The following HPSE2 variants were observed in gnomAD, a reference collection of about 807,000 sequenced individuals.
The protein encoded by HPSE2 is inactive heparanase-2.
A neutral mutation model predicts 60.5 loss-of-function variants in HPSE2; 38 were observed. The ratio of observed to expected loss-of-function variants is 0.63; its 90% confidence interval spans 0.48 to 0.82. The LOEUF (loss-of-function observed/expected upper bound fraction) is 0.82, where lower values mean the gene tolerates loss of function less well. Among genes scored for constraint, HPSE2 ranks in the 40% least tolerant of loss-of-function variants. The pLI is 0.00. For missense variants in HPSE2, 713 were observed against 740.4 expected (o/e 0.96, Z 0.43); for synonymous variants, 295 against 293.2 (o/e 1.01, Z -0.06).
chr10:98,566,638 A>G (rs1480789615), intron 9 of HPSE2, among the ~76,000 whole-genome samples: 1 of 152,238 alleles, frequency 6.6e-6, no homozygotes, highest in Non-Finnish European at 1.5e-5. Flanking sequence ...GCAGCACAAC[A>G]TCAGGCCATC....
intron 3 of HPSE2, among the ~76,000 whole-genome samples, chr10:99,105,086 G>A (rs1004093215): frequency 4.7e-5 from 7 of 150,508 alleles, no homozygotes; most frequent in Admixed American, 1.3e-4. Flanking sequence ...AGAAAAGCTA[G>A]GAGTCAAAAC....
intron 3 of HPSE2, among the ~76,000 whole-genome samples, chr10:98,947,468 T>C (rs988716378): frequency 2.6e-5 from 4 of 152,086 alleles, no homozygotes; most frequent in African/African-American, 9.7e-5. Context: ...AAAGTCAAGA[T>C]AACAAGAGAA....
intron 5 of HPSE2, among the ~76,000 whole-genome samples, chr10:98,714,576 G>T (rs1204129905): frequency 6.6e-6 from 1 of 151,662 alleles, no homozygotes; most frequent in Non-Finnish European, 1.5e-5. Flanking sequence ...TAATTGTATG[G>T]ATATACCACA....
chr10:99,007,369 A>G (rs755170149), intron 3 of HPSE2, among the ~76,000 whole-genome samples: 1 of 152,138 alleles, frequency 6.6e-6, no homozygotes, highest in South Asian at 2.1e-4. Context: ...GAGAGTATCT[A>G]TCTCCACACT....
chr10:99,124,303 G>C (rs999579733), intron 3 of HPSE2, among the ~76,000 whole-genome samples: 1 of 152,184 alleles, frequency 6.6e-6, no homozygotes. Context: ...AAAAAGGACC[G>C]TAAGTTCTCA....
At chr10:98,707,090 T>C (rs1435108184) in intron 5 of HPSE2, among the ~76,000 whole-genome samples, 3 of 90,042 alleles carry the variant, frequency 3.3e-5, no homozygotes, top group Non-Finnish European at 5.7e-5. Context: ...GGCTTTGAAA[T>C]GTAGGAATGA....
chr10:99,283,471 A>C, the HPSE2 span, among the ~76,000 whole-genome samples: 12 of 151,554 alleles, frequency 7.9e-5, no homozygotes, highest in Admixed American at 1.3e-4. Flanking sequence ...ACTGCACTCC[A>C]GCCTGGGTGA....
chr10:98,889,843 G>A (rs376205565), intron 3 of HPSE2, among the ~76,000 whole-genome samples: 20 of 152,214 alleles, frequency 1.3e-4, no homozygotes, highest in Middle Eastern at 3.4e-3. Flanking sequence ...CGGAGGATGG[G>A]GGGGATGCAT....
chr10:98,702,475 C>T (rs1243836311), intron 5 of HPSE2, among the ~76,000 whole-genome samples: 3 of 152,096 alleles, frequency 2.0e-5, no homozygotes, highest in Non-Finnish European at 4.4e-5. Context: ...TAGACATCTA[C>T]AGAACTCTCC....
intron 9 of HPSE2, among the ~76,000 whole-genome samples, chr10:98,491,112 G>A (rs1488395091): frequency 6.6e-6 from 1 of 152,052 alleles, no homozygotes; most frequent in Non-Finnish European, 1.5e-5. Context: ...CCTGAATTCA[G>A]TGAATATACT....
At chr10:99,074,222 T>C (rs1405174808) in intron 3 of HPSE2, among the ~76,000 whole-genome samples, 1 of 152,162 alleles carries the variant, frequency 6.6e-6, no homozygotes, top group African/African-American at 2.4e-5. Flanking sequence ...GTTGAGGTAA[T>C]GTCCTTCTTT....
intron 9 of HPSE2, among the ~76,000 whole-genome samples, chr10:98,610,445 C>A (rs1412175337): frequency 6.6e-6 from 1 of 152,206 alleles, no homozygotes; most frequent in Non-Finnish European, 1.5e-5. Flanking sequence ...GCTATGGGAA[C>A]TGCAACCACA....
At chr10:99,267,255 G>GA in the HPSE2 span, among the ~76,000 whole-genome samples, 3 of 151,846 alleles carry the variant, frequency 2.0e-5, no homozygotes, top group Admixed American at 1.3e-4. Context: ...GATACAAGGG[G>GA]AAAAATCCTC....
At chr10:98,801,348 G>T (rs1297064059) in intron 3 of HPSE2, among the ~76,000 whole-genome samples, 2 of 151,912 alleles carry the variant, frequency 1.3e-5, no homozygotes, top group African/African-American at 2.4e-5. Flanking sequence ...AGTACTGGAA[G>T]TCCTAGCTAG....
intron 3 of HPSE2, among the ~76,000 whole-genome samples, chr10:99,091,714 T>C (rs938418790): frequency 1.2e-4 from 18 of 152,176 alleles, no homozygotes; most frequent in African/African-American, 4.3e-4. Context: ...CTGCTTTTAA[T>C]TTACTCTTTT....
At chr10:98,531,560 G>A (rs908928368) in intron 9 of HPSE2, among the ~76,000 whole-genome samples, 1 of 152,180 alleles carries the variant, frequency 6.6e-6, no homozygotes, top group Non-Finnish European at 1.5e-5. Flanking sequence ...AACTCATGAC[G>A]AATGATCATG....
At chr10:98,600,899 ATATG>A (rs376000600) in intron 9 of HPSE2, among the ~76,000 whole-genome samples, 5,542 of 116,358 alleles carry the variant, frequency 0.048, 391 homozygotes, top group African/African-American at 0.15. Flanking sequence ...ATACGTATAT[ATATG>A]TGTGTGTGTA....
chr10:98,527,265 T>G (rs191448685), intron 9 of HPSE2, among the ~76,000 whole-genome samples: 4 of 152,312 alleles, frequency 2.6e-5, no homozygotes, highest in African/African-American at 9.6e-5. Context: ...CCCTATAACT[T>G]AAATCCAATT....
In HPSE2 at chr10:99,152,183, C is replaced by T. The variant is rs1046486138; in HGVS notation, c.449-7784G>A. On this transcript the variant is annotated intron_variant, in intron 2 of 11. Transcript: ENST00000370552. The stretch of plus-strand genomic sequence containing the variant: ...AAAATTAGCCAGGCATGGTGGCAGG[C>T]GCCTGTAGTCCCAGCTACTTGGGAG... 7.3e-5 allele frequency among the ~76,000 whole-genome samples: 11 copies of T among 151,702 alleles called. No individual in the cohort carries two copies. In the South Asian group the frequency reaches 8.3e-4, roughly 12 times the overall value.
Sources: allele counts gnomAD v4.1 joint callset (sites outside exome capture counted in the v4.1 genomes callset), GRCh38; gene constraint gnomAD v4.1.1; transcripts MANE v1.5; gene names NCBI Gene and HGNC (gene_info 2026-07-23, HGNC 2026-07-21).